The following ITK variants were observed in gnomAD, a reference collection of about 807,000 sequenced individuals.
The protein encoded by ITK is tyrosine-protein kinase ITK/TSK.
ITK carries 45 observed loss-of-function variants against 87.6 expected under a neutral mutation model. The observed-to-expected ratio is 0.51, with a 90% confidence interval of 0.40 to 0.66. The LOEUF is 0.66. Among genes scored for constraint, ITK ranks in the 30% least tolerant of loss-of-function variants. ITK has a pLI of 0.00. For synonymous variants in ITK, 303 were observed against 273.6 expected, an observed-to-expected ratio of 1.11 and a Z score of -1.06; for missense variants, 605 against 766.3, an observed-to-expected ratio of 0.79 and a Z score of 2.48.
chr5:157,242,031 C>G (rs1271689775), intron 11 of ITK, among the ~76,000 whole-genome samples: 1 of 152,170 alleles, frequency 6.6e-6, no homozygotes, highest in Admixed American at 6.5e-5. Context: ...TATTAGAAAA[C>G]CATGCCTTAG....
At chr5:157,249,420 T>G (rs1191906126) in intron 16 of ITK, among the ~76,000 whole-genome samples, 1 of 152,244 alleles carries the variant, frequency 6.6e-6, no homozygotes, top group Non-Finnish European at 1.5e-5. Context: ...TTTGAGTTCA[T>G]TTTATTCATT....
At chr5:157,215,717 G>A (rs142869775) in intron 4 of ITK, among the ~76,000 whole-genome samples, 15 of 152,252 alleles carry the variant, frequency 9.9e-5, no homozygotes, top group African/African-American at 3.6e-4. Context: ...GATGAGTCAC[G>A]TGGCCATCAA....
chr5:157,249,593 T>G (rs1261616916), intron 16 of ITK, among the ~76,000 whole-genome samples: 4 of 152,226 alleles, frequency 2.6e-5, no homozygotes, highest in Non-Finnish European at 4.4e-5. Flanking sequence ...AGTGGAAAGT[T>G]GCTGAAACAG....
intron 6 of ITK, among the ~76,000 whole-genome samples, chr5:157,225,287 T>C (rs1303454937): frequency 6.6e-6 from 1 of 152,122 alleles, no homozygotes; most frequent in Non-Finnish European, 1.5e-5. Flanking sequence ...TAAGCCACCA[T>C]ACCTGGCCTA....
intron 10 of ITK, chr5:157,240,451 G>C (rs1754867150): frequency 1.9e-6 from 1 of 534,246 alleles, no homozygotes; most frequent in Admixed American, 3.1e-5. Flanking sequence ...TGGATAAACT[G>C]TCTTCCACAA....
Position 157,232,337 on chromosome 5 carries a change from C to T in ITK, c.714-3C>T, listed in dbSNP as rs763671306. ...TTGACATATGACTTTTCCTTGCTTT[C>T]AGGTGGTACAATAAGAGTATCAGCC... On this transcript the variant is annotated splice_polypyrimidine_tract_variant and splice_region_variant and intron_variant, in intron 7 of 16. Transcript: ENST00000422843. 2.7e-5 allele frequency: 44 copies of T among 1,605,984 alleles called. No homozygotes were observed. The highest frequency in any genetic ancestry group is 3.7e-5 in the Non-Finnish European group (43 of 1,173,234).
chr5:157,182,519 T>C (rs1315697340), intron 1 of ITK, among the ~76,000 whole-genome samples: 1 of 152,190 alleles, frequency 6.6e-6, no homozygotes, highest in Non-Finnish European at 1.5e-5. Context: ...CTCTTACTGA[T>C]AACAATTTAC....
intron 1 of ITK, among the ~76,000 whole-genome samples, chr5:157,201,360 T>C (rs1308077914): frequency 1.4e-5 from 2 of 147,760 alleles, no homozygotes; most frequent in African/African-American, 5.0e-5. Flanking sequence ...TACAGTGGCA[T>C]GATCTTGGCT....
At chr5:157,215,392 C>G (rs1227896382) in intron 4 of ITK, among the ~76,000 whole-genome samples, 1 of 152,226 alleles carries the variant, frequency 6.6e-6, no homozygotes, top group East Asian at 1.9e-4. Flanking sequence ...CCTCTCATTG[C>G]CACTTTAAAA....
intron 1 of ITK, among the ~76,000 whole-genome samples, chr5:157,202,728 A>G (rs1282102019): frequency 6.6e-6 from 1 of 152,216 alleles, no homozygotes; most frequent in Non-Finnish European, 1.5e-5. Flanking sequence ...ATTTGAAATG[A>G]TAATATTTTA....
At chr5:157,236,562 C>T (rs374965325) in intron 8 of ITK, among the ~76,000 whole-genome samples, 3 of 152,186 alleles carry the variant, frequency 2.0e-5, no homozygotes, top group Admixed American at 6.5e-5. Flanking sequence ...GTATGCCCTC[C>T]GCACAAGGAT....
In ITK at chr5:157,254,243, T is replaced by A. The variant is rs1755207751; in HGVS notation, c.*1565T>A. 4.4e-6 allele frequency: 1 copy of A among 229,488 alleles called. No individual in the cohort carries two copies. The highest frequency in any genetic ancestry group is 8.6e-6 in the Non-Finnish European group (1 of 115,758). The allele number at this position is 229,488 out of a possible 1,614,324, so 14.2% of individuals were successfully genotyped here. Reference sequence around the variant, plus strand: ...ACCACTGTGGTTGATGGCATGGCCCTCCAACTTGGAATAGGATTTTCCTTT... The same window carrying A: ...ACCACTGTGGTTGATGGCATGGCCCACCAACTTGGAATAGGATTTTCCTTT... On this transcript the variant is annotated 3_prime_UTR_variant, in exon 17 of 17. Coordinates refer to ENST00000422843, the MANE Select transcript of ITK (RefSeq NM_005546.4).
chr5:157,233,405 G>T (rs891133959), intron 8 of ITK, among the ~76,000 whole-genome samples: 7 of 152,224 alleles, frequency 4.6e-5, no homozygotes, highest in African/African-American at 1.7e-4. Flanking sequence ...TGAAGAAAAA[G>T]AAGTTGAGCT....
chr5:157,192,081 T>A (rs163308), intron 1 of ITK, among the ~76,000 whole-genome samples: 6,701 of 152,286 alleles, frequency 0.044, 193 homozygotes, highest in African/African-American at 0.074. Flanking sequence ...AGAATCTCAC[T>A]GTTGTGATTT....
At chr5:157,182,473 T>C (rs1450083470) in intron 1 of ITK, among the ~76,000 whole-genome samples, 1 of 152,172 alleles carries the variant, frequency 6.6e-6, no homozygotes. Context: ...CTCTGCCTCT[T>C]TAGAAGTGAA....
intron 1 of ITK, among the ~76,000 whole-genome samples, chr5:157,184,904 T>G (rs1753611022): frequency 6.6e-6 from 1 of 152,166 alleles, no homozygotes; most frequent in Non-Finnish European, 1.5e-5. Flanking sequence ...CCTTATGATG[T>G]GGGAGGCATT....
Position 157,234,369 on chromosome 5 carries a change from A to T in ITK, c.768+1975A>T, listed in dbSNP as rs149615124. On this transcript the variant is annotated intron_variant, in intron 8 of 16. Transcript: ENST00000422843. ...GCAAACATCAATGGGTCCCTGTCAG[A>T]CTCAGCCCAGATTCTGGATAGAATT... 6.6e-5 allele frequency among the ~76,000 whole-genome samples: 10 copies of T among 152,170 alleles called. No individual in the cohort carries two copies. The East Asian group carries it at 1.5e-3, about 24-fold the overall frequency.
At chr5:157,209,326 G>A (rs1217226582) in intron 2 of ITK, among the ~76,000 whole-genome samples, 2 of 128,234 alleles carry the variant, frequency 1.6e-5, no homozygotes, top group East Asian at 2.1e-4. Flanking sequence ...GTGAGACTCC[G>A]TCAAAAAAAA....
At chr5:157,226,168 T>C (rs536705741) in intron 6 of ITK, among the ~76,000 whole-genome samples, 1 of 152,222 alleles carries the variant, frequency 6.6e-6, no homozygotes, top group African/African-American at 2.4e-5. Flanking sequence ...CATTCACAGA[T>C]GACCAAGTCA....
Sources: gnomAD v4.1 joint callset for allele counts (sites outside exome capture counted in the v4.1 genomes callset) on GRCh38, gnomAD v4.1.1 for gene constraint, MANE v1.5 for transcripts, NCBI Gene and HGNC (gene_info 2026-07-23, HGNC 2026-07-21) for gene names.